Variants in GABRA3 observed in about 807,000 individuals in gnomAD.
GABRA3 encodes gamma-aminobutyric acid type A receptor subunit alpha3.
Under a neutral mutation model 30.1 loss-of-function variants are expected in GABRA3, and 10 were observed. The observed-to-expected ratio is 0.33, with a 90% CI of 0.20 to 0.56. The LOEUF (loss-of-function observed/expected upper bound fraction) is 0.56, where lower values mean the gene tolerates loss of function less well. Ranked by LOEUF, GABRA3 falls within the 20% of genes least tolerant of loss-of-function variation. The pLI is 0.89. For synonymous variants in GABRA3, 151 were observed against 146.8 expected (o/e 1.03, Z -0.21); for missense variants, 233 against 392.0 (o/e 0.59, Z 3.42).
At chrX:152,265,469 T>C (rs1034682891) in intron 4 of GABRA3, among the ~76,000 whole-genome samples, 2 of 110,827 alleles carry the variant, frequency 1.8e-5, no homozygotes, top group Non-Finnish European at 3.8e-5. Context: ...AAACACAACA[T>C]ACCAAAACCT....
At chrX:152,430,924 GA>G (rs759621215) in intron 1 of GABRA3, among the ~76,000 whole-genome samples, 2 of 110,392 alleles carry the variant, frequency 1.8e-5, no homozygotes, top group South Asian at 7.7e-4. Context: ...GAGCTAGTGT[GA>G]GAATGAGTAA....
At chrX:152,375,050 T>C (rs1419962687) in intron 1 of GABRA3, among the ~76,000 whole-genome samples, 1 of 111,439 alleles carries the variant, frequency 9.0e-6, no homozygotes, top group Non-Finnish European at 1.9e-5. Context: ...ATCAATACCA[T>C]GAAAATGGCC....
intron 8 of GABRA3, among the ~76,000 whole-genome samples, chrX:152,197,274 C>A (rs1044738559): frequency 9.0e-6 from 1 of 111,622 alleles, no homozygotes; most frequent in Non-Finnish European, 1.9e-5. Flanking sequence ...CAGATCTTAA[C>A]AAAGCCCCCA....
chrX:152,412,886 A>G (rs183493436), intron 1 of GABRA3, among the ~76,000 whole-genome samples: 67 of 111,430 alleles, frequency 6.0e-4, no homozygotes, highest in African/African-American at 2.1e-3. Flanking sequence ...GACATGTGGA[A>G]CATTTGCATA....
chrX:152,194,651 T>C (rs907585226), intron 8 of GABRA3, among the ~76,000 whole-genome samples: 1 of 112,335 alleles, frequency 8.9e-6, no homozygotes, highest in African/African-American at 3.2e-5. Context: ...AATCATATTT[T>C]TAACTTTTAT....
intron 7 of GABRA3, among the ~76,000 whole-genome samples, chrX:152,200,383 T>C (rs1004187439): frequency 8.9e-6 from 1 of 112,557 alleles, no homozygotes; most frequent in Admixed American, 9.4e-5. Context: ...TGAATATGTA[T>C]TCACATCTTA....
At chrX:152,254,622 C>CT (rs1251481132) in intron 5 of GABRA3, among the ~76,000 whole-genome samples, 1 of 111,092 alleles carries the variant, frequency 9.0e-6, no homozygotes, top group Non-Finnish European at 1.9e-5. Context: ...AAGTATTATC[C>CT]TTTTTTCCTT....
At chrX:152,445,156 T>A (rs1379391656) in intron 1 of GABRA3, among the ~76,000 whole-genome samples, 1 of 109,969 alleles carries the variant, frequency 9.1e-6, no homozygotes, top group Non-Finnish European at 1.9e-5. Context: ...TCCTGGAGAT[T>A]TTTATTCCCC....
intron 9 of GABRA3, among the ~76,000 whole-genome samples, chrX:152,182,653 C>CACT (rs1556761885): frequency 2.3e-4 from 2 of 8,611 alleles, no homozygotes; most frequent in Non-Finnish European, 3.5e-4. Flanking sequence ...ACTATATATA[C>CACT]ATATATAGTG....
chrX:152,247,362 C>G (rs1433474968), intron 5 of GABRA3, among the ~76,000 whole-genome samples: 2 of 111,529 alleles, frequency 1.8e-5, no homozygotes, highest in Non-Finnish European at 3.8e-5. Context: ...AGTTCCAGAC[C>G]TGCATTTCCA....
intron 4 of GABRA3, among the ~76,000 whole-genome samples, chrX:152,274,774 G>A (rs186347551): frequency 4.4e-4 from 48 of 109,392 alleles, no homozygotes; most frequent in Non-Finnish European, 8.2e-4. Context: ...ATACCCCAAG[G>A]AAAGTAAAGA....
At chrX:152,255,431 CTGTG>C (rs1055798241) in intron 5 of GABRA3, among the ~76,000 whole-genome samples, 2 of 111,450 alleles carry the variant, frequency 1.8e-5, no homozygotes, top group Non-Finnish European at 3.8e-5. Context: ...GCGTTCATGC[CTGTG>C]TGTATGTTTT....
chrX:152,437,530 A>T (rs1257098373), intron 1 of GABRA3, among the ~76,000 whole-genome samples: 1 of 111,520 alleles, frequency 9.0e-6, no homozygotes, highest in Non-Finnish European at 1.9e-5. Context: ...CAATAAACAG[A>T]TGCTGAAGTT....
intron 3 of GABRA3, among the ~76,000 whole-genome samples, chrX:152,324,413 T>C (rs900376247): frequency 2.0e-5 from 2 of 102,229 alleles, no homozygotes; most frequent in Non-Finnish European, 3.9e-5. Context: ...GAAAACAAAA[T>C]TGCCACACAT....
intron 9 of GABRA3, among the ~76,000 whole-genome samples, chrX:152,170,108 G>A (rs1019541730): frequency 3.6e-5 from 4 of 112,097 alleles, no homozygotes; most frequent in African/African-American, 1.3e-4. Context: ...ACTCGGGTGT[G>A]GGAGAAAGCC....
At chrX:152,234,379 T>A (rs1938154497) in intron 5 of GABRA3, among the ~76,000 whole-genome samples, 2 of 111,022 alleles carry the variant, frequency 1.8e-5, no homozygotes, top group Non-Finnish European at 3.8e-5. Flanking sequence ...ATTTATTTGT[T>A]GGAGGCATAG....
At chrX:152,305,485 CCT>C (rs747287242) in intron 3 of GABRA3, among the ~76,000 whole-genome samples, 27 of 111,061 alleles carry the variant, frequency 2.4e-4, no homozygotes, top group Non-Finnish European at 3.8e-4. Flanking sequence ...ATACAAACCC[CCT>C]GACACACATA....
chrX:152,186,476 A>G (rs773980033), intron 9 of GABRA3, among the ~76,000 whole-genome samples: 1 of 111,334 alleles, frequency 9.0e-6, no homozygotes, highest in Non-Finnish European at 1.9e-5. Flanking sequence ...TGTCGGGATT[A>G]CAGGTGTGAG....
intron 1 of GABRA3, among the ~76,000 whole-genome samples, chrX:152,418,629 T>C (rs1223590318): frequency 9.0e-6 from 1 of 110,985 alleles, no homozygotes; most frequent in Non-Finnish European, 1.9e-5. Flanking sequence ...TAAAAGCAAG[T>C]TAAAACCGAA....
Sources: allele counts gnomAD v4.1 joint callset (sites outside exome capture counted in the v4.1 genomes callset), GRCh38; gene constraint gnomAD v4.1.1; transcripts MANE v1.5; gene names NCBI Gene and HGNC (gene_info 2026-07-23, HGNC 2026-07-21).